The following L3MBTL4 variants were observed in gnomAD, a reference collection of about 807,000 sequenced individuals.
L3MBTL4 encodes lethal(3)malignant brain tumor-like protein 4.
Under a neutral mutation model 84.5 loss-of-function variants are expected in L3MBTL4, and 70 were observed. That is an observed-to-expected ratio of 0.83 (90% CI 0.68 to 1.01). The LOEUF is 1.01. Ranked by LOEUF, L3MBTL4 falls within the 50% of genes least tolerant of loss-of-function variation. L3MBTL4 has a pLI of 0.00. For missense variants in L3MBTL4, 715 were observed against 754.8 expected (o/e 0.95, Z 0.62); for synonymous variants, 274 against 259.8 (o/e 1.05, Z -0.52).
chr18:6,361,009 C>T (rs1460227307), intron 1 of L3MBTL4, among the ~76,000 whole-genome samples: 2 of 140,536 alleles, frequency 1.4e-5, no homozygotes, highest in South Asian at 4.6e-4. Context: ...GAGAATAAGA[C>T]TCTACCTGAT....
At chr18:6,164,349 C>A (rs1233804365) in intron 13 of L3MBTL4, among the ~76,000 whole-genome samples, 1 of 152,226 alleles carries the variant, frequency 6.6e-6, no homozygotes, top group African/African-American at 2.4e-5. Flanking sequence ...TCCCAGCACG[C>A]AGCTTGAGAT....
intron 5 of L3MBTL4, among the ~76,000 whole-genome samples, chr18:6,255,976 T>C (rs1056027302): frequency 2.0e-5 from 3 of 152,256 alleles, no homozygotes; most frequent in Non-Finnish European, 2.9e-5. Flanking sequence ...AAGAAGCATC[T>C]ATATTAAAAC....
chr18:6,096,837 T>A (rs575535043), intron 14 of L3MBTL4, among the ~76,000 whole-genome samples: 2 of 152,324 alleles, frequency 1.3e-5, no homozygotes, highest in South Asian at 2.1e-4. Flanking sequence ...AAACTGTCAG[T>A]GTCTGATTGG....
At position 6,253,196 on chromosome 18, in the gene L3MBTL4, G is replaced by A. The variant is rs543150128; in HGVS notation, c.220-8608C>T. Among the ~76,000 whole-genome samples, 23 of 149,818 alleles carry A rather than the reference G, an allele frequency of 1.5e-4. No individual in the cohort carries two copies. The East Asian group carries it at 1.5e-3, about 10-fold the overall frequency. On this transcript the variant is annotated intron_variant, in intron 5 of 18. Transcript: ENST00000317931. ...CAGCCTGGCAACAGAGCAAGACTCC[G>A]TCTCAAAACAAACAAACAAACAAAC...
intron 12 of L3MBTL4, 144 bp downstream of exon 12, chr18:6,213,005 A>T (rs542247790): frequency 1.8e-6 from 1 of 550,038 alleles, no homozygotes; most frequent in South Asian, 3.1e-5. Flanking sequence ...CTTCAAGGTC[A>T]AATCCAGAAC....
chr18:6,303,744 C>T (rs539699156), intron 3 of L3MBTL4, among the ~76,000 whole-genome samples: 12 of 152,052 alleles, frequency 7.9e-5, no homozygotes, highest in African/African-American at 2.7e-4. Flanking sequence ...CCATAAAAAC[C>T]AAATCTAAAA....
intron 1 of L3MBTL4, chr18:6,374,450 A>T (rs1263455199): frequency 1.3e-5 from 2 of 154,840 alleles, no homozygotes; most frequent in Non-Finnish European, 2.9e-5. Flanking sequence ...ATTGAGGTCT[A>T]CTTCATCCGC....
chr18:5,967,141 G>A (rs550140249), intron 17 of L3MBTL4, among the ~76,000 whole-genome samples: 2 of 152,334 alleles, frequency 1.3e-5, no homozygotes, highest in East Asian at 1.9e-4. Flanking sequence ...CAGACTGTGG[G>A]CTGTGCACAC....
chr18:6,184,839 T>C (rs908519621), intron 12 of L3MBTL4, among the ~76,000 whole-genome samples: 1 of 152,154 alleles, frequency 6.6e-6, no homozygotes. Flanking sequence ...ACCAAACCCA[T>C]GTTTAGAGTC....
At chr18:6,115,789 G>A (rs2059338582) in intron 14 of L3MBTL4, among the ~76,000 whole-genome samples, 1 of 152,192 alleles carries the variant, frequency 6.6e-6, no homozygotes, top group Admixed American at 6.5e-5. Flanking sequence ...TGGCCACGAA[G>A]TCGTCTTCAG....
chr18:6,270,637 C>A (rs2048826373), intron 4 of L3MBTL4, among the ~76,000 whole-genome samples: 1 of 152,162 alleles, frequency 6.6e-6, no homozygotes, highest in Non-Finnish European at 1.5e-5. Context: ...GGCAAGCAAT[C>A]CAGGGAGAAG....
chr18:6,114,184 T>G (rs1041834784), intron 14 of L3MBTL4, among the ~76,000 whole-genome samples: 7 of 152,216 alleles, frequency 4.6e-5, no homozygotes, highest in Non-Finnish European at 1.5e-5. Flanking sequence ...TGCTCCTGTG[T>G]GTGCCAATGG....
chr18:5,961,584 A>T (rs193177604), intron 17 of L3MBTL4, among the ~76,000 whole-genome samples: 1 of 152,164 alleles, frequency 6.6e-6, no homozygotes, highest in Non-Finnish European at 1.5e-5. Flanking sequence ...TAAGGATTAA[A>T]ACAAACAAAC....
intron 1 of L3MBTL4, among the ~76,000 whole-genome samples, chr18:6,332,216 G>C (rs1478251098): frequency 6.6e-6 from 1 of 152,172 alleles, no homozygotes; most frequent in Admixed American, 6.5e-5. Context: ...TCAGAGCTGA[G>C]GTAAGGATCT....
At chr18:6,295,346 C>CTCTCTCTCTCTCTCTATATA in intron 4 of L3MBTL4, among the ~76,000 whole-genome samples, 1 of 81,382 alleles carries the variant, frequency 1.2e-5, no homozygotes, top group Admixed American at 1.4e-4. Context: ...CTCTCTCTCT[C>CTCTCTCTCTCTCTCTATATA]TATATATATA....
At chr18:5,968,477 C>T (rs189719454) in intron 17 of L3MBTL4, among the ~76,000 whole-genome samples, 270 of 152,044 alleles carry the variant, frequency 1.8e-3, no homozygotes, top group African/African-American at 5.5e-3. Context: ...GTGGGAGAAC[C>T]GCTTGAGGCC....
chr18:6,020,039 A>C (rs563109584), intron 16 of L3MBTL4, among the ~76,000 whole-genome samples: 1 of 152,310 alleles, frequency 6.6e-6, no homozygotes, highest in East Asian at 1.9e-4. Flanking sequence ...ATAGGGAGGA[A>C]CAAGACACAC....
intron 1 of L3MBTL4, chr18:6,374,487 G>A (rs781224344): frequency 1.3e-5 from 2 of 154,806 alleles, no homozygotes; most frequent in Admixed American, 1.3e-4. Context: ...TTGTGGGATT[G>A]TGCCTAACAG....
At chr18:6,059,241 G>A (rs2057127599) in intron 16 of L3MBTL4, among the ~76,000 whole-genome samples, 1 of 152,328 alleles carries the variant, frequency 6.6e-6, no homozygotes, top group East Asian at 1.9e-4. Flanking sequence ...GGAAGCCTCT[G>A]GCGTGGCTGC....
Sources: gnomAD v4.1 joint callset for allele counts (sites outside exome capture counted in the v4.1 genomes callset) on GRCh38, gnomAD v4.1.1 for gene constraint, MANE v1.5 for transcripts, NCBI Gene and HGNC (gene_info 2026-07-23, HGNC 2026-07-21) for gene names.